Variants in KCNK10 observed in about 807,000 individuals in gnomAD.
KCNK10 encodes the protein potassium two pore domain channel subfamily K member 10.
Under a neutral mutation model 47.7 loss-of-function variants are expected in KCNK10, and 25 were observed. That is an observed-to-expected ratio of 0.52 (90% CI 0.38 to 0.73). The LOEUF (loss-of-function observed/expected upper bound fraction) is 0.73. KCNK10 is among the 30% of genes least tolerant of loss of function. KCNK10 has a pLI of 0.00. For missense variants in KCNK10, 563 were observed against 714.5 expected (o/e 0.79, Z 2.42); for synonymous variants, 303 against 285.6 (o/e 1.06, Z -0.61).
At position 88,185,791 on chromosome 14, in the gene KCNK10, G is replaced by A; in HGVS notation, c.1376C>T (p.Thr459Ile). The A allele has an allele frequency of 6.2e-7, 1 of 1,614,112 alleles. No homozygotes were observed. The change falls in exon 7 of 7, where the codon ACC becomes ATC. Residue 459 changes from threonine to isoleucine, a missense_variant. Thr to Ile is a moderately conservative substitution (Grantham distance 89). Transcript: ENST00000319231. The surrounding 1 kb of genome is among the most constrained non-coding windows in gnomAD (Gnocchi z 4.3). ...INKFGSTSRL[T>I]KRKNKDLKKT... ...TTTGAGGTCCTTGTTTTTCCTCTTG[G>A]TGAGTCTGGAGGTGGACCCGAACTT...
intron 2 of KCNK10, among the ~76,000 whole-genome samples, chr14:88,243,731 G>T (rs146776821): frequency 3.9e-5 from 6 of 152,074 alleles, no homozygotes; most frequent in African/African-American, 1.4e-4. Context: ...GGAAGGATCA[G>T]AGAAAAGGGA....
chr14:88,284,432 T>C (rs538444284), intron 1 of KCNK10, among the ~76,000 whole-genome samples: 3 of 152,082 alleles, frequency 2.0e-5, no homozygotes, highest in Non-Finnish European at 4.4e-5. Context: ...TGTCCCACAA[T>C]AGGCCATCTG....
At chr14:88,221,577 G>C (rs901424844) in intron 4 of KCNK10, among the ~76,000 whole-genome samples, 6 of 152,140 alleles carry the variant, frequency 3.9e-5, no homozygotes, top group African/African-American at 1.4e-4. Flanking sequence ...TGGAGCAACA[G>C]GAACTGTCAT....
At chr14:88,313,943 G>A (rs545792746) in intron 1 of KCNK10, among the ~76,000 whole-genome samples, 1 of 152,304 alleles carries the variant, frequency 6.6e-6, no homozygotes, top group Admixed American at 6.5e-5. Context: ...TCTAGCTTAT[G>A]TCTCACAGAA....
intron 4 of KCNK10, among the ~76,000 whole-genome samples, chr14:88,211,908 A>T (rs1293948147): frequency 6.6e-6 from 1 of 151,670 alleles, no homozygotes; most frequent in East Asian, 1.9e-4. Context: ...AAAAAAAAAA[A>T]AAAATCTTTG....
intron 4 of KCNK10, among the ~76,000 whole-genome samples, chr14:88,203,758 G>A (rs1885175649): frequency 6.6e-6 from 1 of 152,098 alleles, no homozygotes; most frequent in Non-Finnish European, 1.5e-5. Context: ...GCAGAAGGTG[G>A]GTAGCAAAAT....
chr14:88,289,591 G>A (rs755905673), intron 1 of KCNK10, among the ~76,000 whole-genome samples: 12 of 152,168 alleles, frequency 7.9e-5, no homozygotes, highest in Non-Finnish European at 1.5e-4. Flanking sequence ...TCTTAAGCTG[G>A]CCAATCTTTA....
intron 1 of KCNK10, among the ~76,000 whole-genome samples, chr14:88,284,252 A>T (rs903347833): frequency 4.6e-5 from 7 of 152,150 alleles, no homozygotes; most frequent in African/African-American, 1.7e-4. Context: ...GCTTTGCACT[A>T]ACTAGCCCTG....
At chr14:88,290,180 C>A (rs1887846491) in intron 1 of KCNK10, among the ~76,000 whole-genome samples, 1 of 152,000 alleles carries the variant, frequency 6.6e-6, no homozygotes, top group Non-Finnish European at 1.5e-5. Flanking sequence ...TGGGTGGGTC[C>A]AGTGTAATCA....
intron 1 of KCNK10, among the ~76,000 whole-genome samples, chr14:88,265,769 G>A (rs1887235880): frequency 6.6e-6 from 1 of 152,170 alleles, no homozygotes. Flanking sequence ...CTGTTCTCGT[G>A]ATAGTGAATA....
chr14:88,320,396 G>A (rs1187944885), intron 1 of KCNK10, among the ~76,000 whole-genome samples: 1 of 152,118 alleles, frequency 6.6e-6, no homozygotes, highest in Non-Finnish European at 1.5e-5. Context: ...TATATAGAAT[G>A]ATGATCACAC....
chr14:88,305,135 GTTGCAGTGAGCCAAGATCGCGCCAC>G (rs943926179), intron 1 of KCNK10, among the ~76,000 whole-genome samples: 5 of 151,922 alleles, frequency 3.3e-5, no homozygotes, highest in Non-Finnish European at 5.9e-5. Context: ...GGATGTGGAG[GTTGCAGTGAGCCAAGATCGCGCCAC>G]TGCACTCCCA....
chr14:88,214,352 G>C (rs1261126965), intron 4 of KCNK10, among the ~76,000 whole-genome samples: 1 of 152,176 alleles, frequency 6.6e-6, no homozygotes, highest in South Asian at 2.1e-4. Context: ...AAGAGGCTTG[G>C]CTTTGAGCTG....
At chr14:88,326,423 G>A, upstream of KCNK10, 2 of 1,613,382 alleles carry the variant, frequency 1.2e-6, no homozygotes, top group Non-Finnish European at 1.7e-6. Flanking sequence ...ACTTACCCAA[G>A]GAAAGAAAGA....
chr14:88,321,656 C>A (rs1027232925), intron 1 of KCNK10, among the ~76,000 whole-genome samples: 1 of 152,220 alleles, frequency 6.6e-6, no homozygotes, highest in Admixed American at 6.5e-5. Flanking sequence ...AAGGCAGTAT[C>A]TCTTCACTCA....
At position 88,182,640 on chromosome 14, in the gene KCNK10, G is replaced by T. The variant is rs1884409837; in HGVS notation, c.*2895C>A. 6.6e-6 allele frequency: 1 copy of T among 152,432 alleles called. No individual in the cohort carries two copies. The highest frequency in any genetic ancestry group is 1.9e-4 in the East Asian group (1 of 5,318). The allele number at this position is 152,432 out of a possible 1,614,324, so 9.4% of individuals were successfully genotyped here. On this transcript the variant is annotated 3_prime_UTR_variant, in exon 7 of 7. Transcript: ENST00000319231. ...ATCACATTCTTGGCCAAATGTCTCA[G>T]GGAATGGGTTATGTAGAAAATTTTC... is the stretch of plus-strand genomic sequence containing the variant.
At position 88,257,105 on chromosome 14, in the gene KCNK10, A is replaced by G. The variant is rs572317199; in HGVS notation, c.402+6097T>C. On this transcript the variant is annotated intron_variant, in intron 2 of 6. Transcript: ENST00000319231. The stretch of plus-strand genomic sequence containing the variant: ...GAGTAATTTTCAAGTTTTCTCTGTC[A>G]ACTTTCTTAAATATAGCCTTTTCTC... 5.6e-4 allele frequency among the ~76,000 whole-genome samples: 86 copies of G among 152,234 alleles called. 2 individuals carry two copies. In the South Asian group the frequency reaches 0.017, roughly 30 times the overall value.
chr14:88,240,588 G>C (rs190028370), intron 3 of KCNK10, 115 bp downstream of exon 3: 280 of 666,122 alleles, frequency 4.2e-4, no homozygotes, highest in African/African-American at 3.2e-3. Flanking sequence ...ACAGTGTTTC[G>C]TAAGCCTCCT....
chr14:88,318,485 G>T (rs1402789237), intron 1 of KCNK10, among the ~76,000 whole-genome samples: 1 of 152,226 alleles, frequency 6.6e-6, no homozygotes, highest in Non-Finnish European at 1.5e-5. Flanking sequence ...AAGAGAAAAT[G>T]ATGGTGCTGG....
Sources: allele counts gnomAD v4.1 joint callset (sites outside exome capture counted in the v4.1 genomes callset), GRCh38; gene constraint gnomAD v4.1.1; non-coding constraint Gnocchi (gnomAD v3.1); transcripts MANE v1.5; gene names NCBI Gene and HGNC (gene_info 2026-07-23, HGNC 2026-07-21).